The following GNAQ variants were observed in gnomAD, a reference collection of about 807,000 sequenced individuals.
The protein encoded by GNAQ is guanine nucleotide-binding protein G(q) subunit alpha.
GNAQ carries 8 observed loss-of-function variants against 43.9 expected under a neutral mutation model. That is an observed-to-expected ratio of 0.18 (90% confidence interval 0.11 to 0.33). GNAQ has a LOEUF of 0.33. Ranked by LOEUF, GNAQ falls within the 10% of genes least tolerant of loss-of-function variation. GNAQ has a pLI of 1.00. For missense variants in GNAQ, 158 were observed against 450.8 expected, an observed-to-expected ratio of 0.35 and a Z score of 5.88; for synonymous variants, 155 against 170.7, an observed-to-expected ratio of 0.91 and a Z score of 0.71.
intron 2 of GNAQ, among the ~76,000 whole-genome samples, chr9:77,847,106 G>A (rs1827599505): frequency 6.6e-6 from 1 of 152,154 alleles, no homozygotes; most frequent in Admixed American, 6.5e-5. Context: ...CTTTCCCTGA[G>A]CAAATCCATC....
chr9:77,785,767 A>C (rs1826467279), intron 5 of GNAQ, among the ~76,000 whole-genome samples: 1 of 152,224 alleles, frequency 6.6e-6, no homozygotes, highest in South Asian at 2.1e-4. Context: ...TTGTTATAAA[A>C]GACATAATAC....
At chr9:77,843,825 T>A (rs1193615414) in intron 2 of GNAQ, among the ~76,000 whole-genome samples, 1 of 152,186 alleles carries the variant, frequency 6.6e-6, no homozygotes, top group Non-Finnish European at 1.5e-5. Context: ...GGCTTACTCA[T>A]CAGACTAAGC....
chr9:77,721,461 C>G lies in GNAQ; in HGVS notation c.942G>C (p.Val314=). 6.8e-6 allele frequency: 11 copies of G among 1,613,054 alleles called. No individual in the cohort carries two copies. Among genetic ancestry groups the G allele is most frequent in the Non-Finnish European group, 9.3e-6 (11 of 1,179,254 alleles). ...TTTTGTCACTGTCTGGGTTCAGGTCCACGAACATCTTCAGAATGAATTCTC... is the reference window on the plus strand; with the variant it reads ...TTTTGTCACTGTCTGGGTTCAGGTCGACGAACATCTTCAGAATGAATTCTC... ...AAREFILKMF[V]DLNPDSDKII... Residue 314 remains valine (V), a synonymous_variant, in exon 7 of 7, where the codon GTG becomes GTC. Coordinates refer to ENST00000286548, the MANE Select transcript of GNAQ (RefSeq NM_002072.5).
At chr9:77,986,346 G>A (rs1823435658) in intron 1 of GNAQ, among the ~76,000 whole-genome samples, 1 of 152,108 alleles carries the variant, frequency 6.6e-6, no homozygotes, top group African/African-American at 2.4e-5. Context: ...TTTGACATTT[G>A]AGGCTAACTG....
At chr9:77,725,997 AAAT>A (rs1825391872) in intron 6 of GNAQ, among the ~76,000 whole-genome samples, 1 of 151,258 alleles carries the variant, frequency 6.6e-6, no homozygotes, top group Non-Finnish European at 1.5e-5. Flanking sequence ...GTTCCAAGAA[AAAT>A]TAAGAAGAAC....
intron 3 of GNAQ, among the ~76,000 whole-genome samples, chr9:77,805,075 A>G (rs1826806725): frequency 6.6e-6 from 1 of 152,182 alleles, no homozygotes. Flanking sequence ...AAAAATTGTA[A>G]AGTGACCTGC....
At chr9:77,846,306 C>A (rs1237519948) in intron 2 of GNAQ, among the ~76,000 whole-genome samples, 2 of 152,208 alleles carry the variant, frequency 1.3e-5, no homozygotes, top group East Asian at 1.9e-4. Context: ...GCTGTGGCTG[C>A]CCCTTGGGAG....
chr9:77,921,122 T>C (rs1410013537), intron 2 of GNAQ, among the ~76,000 whole-genome samples: 1 of 152,230 alleles, frequency 6.6e-6, no homozygotes, highest in Non-Finnish European at 1.5e-5. Flanking sequence ...CAGTGTTTTA[T>C]CAACAAAAGG....
At position 78,031,762 on chromosome 9, in the gene GNAQ, GC is replaced by G. The variant is rs1233284595; in HGVS notation, c.-528del. Among the ~76,000 whole-genome samples, 2 of 146,056 alleles carry G rather than the reference GC, an allele frequency of 1.4e-5. No individual in the cohort carries two copies. The highest frequency in any genetic ancestry group is 2.1e-4 in the East Asian group (1 of 4,796). ...CCCGGGCGCCCTCGGCCCTGTCCGCGCCCACCGCCCGGCTCGCGCGCAGACC... is the reference window on the plus strand; with the variant it reads ...CCCGGGCGCCCTCGGCCCTGTCCGCGCCACCGCCCGGCTCGCGCGCAGACC... On this transcript the variant is annotated 5_prime_UTR_variant, in exon 1 of 7. Transcript: ENST00000286548.
chr9:77,757,940 G>C (rs1389445660), intron 5 of GNAQ, among the ~76,000 whole-genome samples: 1 of 152,198 alleles, frequency 6.6e-6, no homozygotes, highest in Non-Finnish European at 1.5e-5. Context: ...AAATTTTAAA[G>C]CCTGCTAAAT....
chr9:77,768,166 C>T (rs1294185280), intron 5 of GNAQ, among the ~76,000 whole-genome samples: 2 of 152,112 alleles, frequency 1.3e-5, no homozygotes, highest in African/African-American at 4.8e-5. Context: ...GGATTTGAAT[C>T]CACGCAGTCT....
At chr9:77,965,851 A>C (rs12552992) in intron 1 of GNAQ, among the ~76,000 whole-genome samples, 3 of 151,064 alleles carry the variant, frequency 2.0e-5, no homozygotes, top group African/African-American at 7.3e-5. Flanking sequence ...AAAAAAAAAA[A>C]AAAGGCACGT....
intron 2 of GNAQ, among the ~76,000 whole-genome samples, chr9:77,908,519 T>TTAGTAGAC (rs1828748839): frequency 6.6e-6 from 1 of 152,178 alleles, no homozygotes; most frequent in South Asian, 2.1e-4. Context: ...CAACAACCAT[T>TTAGTAGAC]TAGTAGACAC....
At chr9:77,950,914 T>C (rs906714657) in intron 1 of GNAQ, among the ~76,000 whole-genome samples, 1 of 152,110 alleles carries the variant, frequency 6.6e-6, no homozygotes. Context: ...TATATTGTCA[T>C]TGAAAACATC....
intron 1 of GNAQ, among the ~76,000 whole-genome samples, chr9:78,009,812 C>CA (rs1823752381): frequency 6.6e-6 from 1 of 151,748 alleles, no homozygotes; most frequent in Non-Finnish European, 1.5e-5. Context: ...TAAAAACTCT[C>CA]AGAATTGAAA....
chr9:77,924,993 C>T (rs1220413483), intron 1 of GNAQ, among the ~76,000 whole-genome samples: 3 of 151,958 alleles, frequency 2.0e-5, no homozygotes, highest in Non-Finnish European at 2.9e-5. Flanking sequence ...CTAGCTTCCT[C>T]GCTGCAGTGG....
chr9:77,818,337 A>T (rs999451726), intron 2 of GNAQ, among the ~76,000 whole-genome samples: 6 of 152,110 alleles, frequency 3.9e-5, no homozygotes, highest in African/African-American at 1.4e-4. Context: ...TTCATCTCAG[A>T]TTCTCTAAGT....
chr9:78,005,570 G>T (rs551843818), intron 1 of GNAQ, among the ~76,000 whole-genome samples: 57 of 152,184 alleles, frequency 3.7e-4, no homozygotes, highest in Non-Finnish European at 5.9e-4. Context: ...ACATATCACG[G>T]AAGAAGCAAA....
chr9:77,748,961 G>A (rs897599703), intron 5 of GNAQ, among the ~76,000 whole-genome samples: 4 of 152,128 alleles, frequency 2.6e-5, no homozygotes, highest in African/African-American at 4.8e-5. Flanking sequence ...GAAAGGGAAA[G>A]GGGGAGTTCT....
Sources: allele counts gnomAD v4.1 joint callset (sites outside exome capture counted in the v4.1 genomes callset), GRCh38; gene constraint gnomAD v4.1.1; transcripts MANE v1.5; gene names NCBI Gene and HGNC (gene_info 2026-07-23, HGNC 2026-07-21).